Variants in TCF7 observed in about 807,000 individuals in gnomAD.
TCF7 encodes the protein transcription factor 7.
TCF7 carries 19 observed loss-of-function variants against 46.8 expected under a neutral mutation model. The observed-to-expected ratio is 0.41, with a 90% CI of 0.28 to 0.60. The LOEUF is 0.60. Among genes scored for constraint, TCF7 ranks in the 20% least tolerant of loss-of-function variants. TCF7 has a pLI of 0.35. For missense variants in TCF7, 547 were observed against 504.6 expected (o/e 1.08, Z -0.81); for synonymous variants, 245 against 213.4 (o/e 1.15, Z -1.29).
intron 3 of TCF7, among the ~76,000 whole-genome samples, chr5:134,135,147 A>T (rs1391770251): frequency 2.6e-5 from 4 of 152,082 alleles, no homozygotes; most frequent in African/African-American, 9.7e-5. Context: ...TTTAGTAGAG[A>T]CAAGGTCTCG....
chr5:134,132,533 G>A (rs1758277907), intron 3 of TCF7, among the ~76,000 whole-genome samples: 1 of 152,224 alleles, frequency 6.6e-6, no homozygotes, highest in African/African-American at 2.4e-5. Context: ...TGAGGCCAGA[G>A]GAAACAGCAA....
intron 9 of TCF7, chr5:134,144,800 C>T (rs540466256): frequency 6.2e-7 from 1 of 1,614,180 alleles, no homozygotes; most frequent in Non-Finnish European, 8.5e-7. Context: ...TGAGCAGACC[C>T]TGGCTCGCCT....
intron 9 of TCF7, chr5:134,145,905 G>C (rs1001022202): frequency 1.9e-5 from 29 of 1,542,604 alleles, no homozygotes; most frequent in African/African-American, 4.1e-5. Flanking sequence ...CACATCTGGA[G>C]AAGCTCAAAG....
At chr5:134,115,864 C>T (rs1338662783) in intron 2 of TCF7, 45 bp from the exon 3 acceptor site, 1 of 1,612,328 alleles carries the variant, frequency 6.2e-7, no homozygotes, top group African/African-American at 1.3e-5. Flanking sequence ...TCAGTCCCAG[C>T]CGCTGCCAGG....
At chr5:134,110,719 C>T (rs996284404), upstream of TCF7, among the ~76,000 whole-genome samples, 2 of 152,244 alleles carry the variant, frequency 1.3e-5, no homozygotes, top group African/African-American at 4.8e-5. Flanking sequence ...CCGCTCACAA[C>T]CTCTCCTTGC....
At chr5:134,144,642 G>A (rs1760404679) in intron 9 of TCF7, 1 of 622,388 alleles carries the variant, frequency 1.6e-6, no homozygotes. Flanking sequence ...CACTGGGGCT[G>A]GCTGTGCCAT....
chr5:134,137,872 G>T, intron 3 of TCF7, 187 bp from the exon 4 acceptor site: 1 of 451,560 alleles, frequency 2.2e-6, no homozygotes, highest in Non-Finnish European at 4.0e-6. Context: ...GGGACTGCTT[G>T]GGCAAAGTCT....
At chr5:134,145,480 G>GTGTGACAAGGTTTACCCAACAAGTGGT in intron 9 of TCF7, 1 of 565,276 alleles carries the variant, frequency 1.8e-6, no homozygotes, top group Non-Finnish European at 3.2e-6. Context: ...ATACTTGTGG[G>GTGTGACAAGGTTTACCCAACAAGTGGT]TGTGACAAGG....
intron 3 of TCF7, among the ~76,000 whole-genome samples, chr5:134,128,211 T>A (rs1757609772): frequency 6.6e-6 from 1 of 152,200 alleles, no homozygotes; most frequent in Non-Finnish European, 1.5e-5. Flanking sequence ...GGTATTTCAC[T>A]CTCTGCCCTG....
intron 3 of TCF7, among the ~76,000 whole-genome samples, chr5:134,118,702 C>T (rs1756172702): frequency 6.6e-6 from 1 of 152,136 alleles, no homozygotes; most frequent in South Asian, 2.1e-4. Context: ...TGAACACTGT[C>T]AGGCACCTGA....
chr5:134,136,018 A>T (rs775227101), intron 3 of TCF7, among the ~76,000 whole-genome samples: 1 of 152,188 alleles, frequency 6.6e-6, no homozygotes, highest in Non-Finnish European at 1.5e-5. Flanking sequence ...TGGGACTTTG[A>T]CAAGAGTCAT....
In TCF7 at chr5:134,115,395, T is replaced by G. The variant is rs755060270; in HGVS notation, c.316+8T>G. On this transcript the variant is annotated splice_region_variant and intron_variant, in intron 2 of 9. Transcript: ENST00000342854. ...CAGAGCCCCTGGAGGACGGTGAGTT[T>G]CTGCCCGGCCCGGCTTCCCTTCGTC... 1.0e-5 allele frequency: 16 copies of G among 1,596,956 alleles called. No homozygotes were observed. Among genetic ancestry groups the G allele is most frequent in the African/African-American group, 1.3e-5 (1 of 74,274 alleles).
intron 3 of TCF7, among the ~76,000 whole-genome samples, chr5:134,135,710 G>A (rs780898165): frequency 2.6e-5 from 4 of 152,260 alleles, no homozygotes; most frequent in African/African-American, 9.6e-5. Flanking sequence ...AAGTAGAGTT[G>A]AGTAAGCATT....
the TCF7 span, among the ~76,000 whole-genome samples, chr5:134,109,241 T>TA: frequency 2.0e-5 from 3 of 152,172 alleles, no homozygotes; most frequent in Non-Finnish European, 4.4e-5. Context: ...AGCCCTGTCT[T>TA]AAAAAGCGAT....
chr5:134,133,864 AC>A (rs1217821374), intron 3 of TCF7, among the ~76,000 whole-genome samples: 2 of 152,144 alleles, frequency 1.3e-5, no homozygotes, highest in African/African-American at 4.8e-5. Flanking sequence ...GCCAGGCAAC[AC>A]CCCGCAGCAC....
At chr5:134,121,276 T>C (rs1260309713) in intron 3 of TCF7, among the ~76,000 whole-genome samples, 2 of 151,614 alleles carry the variant, frequency 1.3e-5, no homozygotes, top group Admixed American at 1.3e-4. Context: ...CTTAAGCTGT[T>C]TTGTTTCAAA....
chr5:134,126,876 G>A lies in TCF7; in HGVS notation c.441+10843G>A, dbSNP rs536407673. ...TGCACCACTGCACTCCAGCCTGGGCGACAGAGCTAGACTCTATCTCAAAAA... is the reference window on the plus strand; with the variant it reads ...TGCACCACTGCACTCCAGCCTGGGCAACAGAGCTAGACTCTATCTCAAAAA... On this transcript the variant is annotated intron_variant, in intron 3 of 9. Transcript: ENST00000342854. 6.0e-5 allele frequency among the ~76,000 whole-genome samples: 9 copies of A among 150,196 alleles called. No individual in the cohort carries two copies. In the South Asian group the frequency reaches 1.5e-3, roughly 25 times the overall value.
intron 5 of TCF7, chr5:134,140,759 C>T (rs1392953419): frequency 2.2e-6 from 1 of 455,328 alleles, no homozygotes; most frequent in Non-Finnish European, 4.4e-6. Context: ...GTCTGGCCAG[C>T]AGCCAGACTG....
At chr5:134,120,311 TCA>T (rs1756391655) in intron 3 of TCF7, among the ~76,000 whole-genome samples, 4 of 152,056 alleles carry the variant, frequency 2.6e-5, no homozygotes, top group Admixed American at 2.6e-4. Flanking sequence ...CCATCCTAAA[TCA>T]CAGTCCAGGC....
Sources: gnomAD v4.1 joint callset for allele counts (sites outside exome capture counted in the v4.1 genomes callset) on GRCh38, gnomAD v4.1.1 for gene constraint, MANE v1.5 for transcripts, NCBI Gene and HGNC (gene_info 2026-07-23, HGNC 2026-07-21) for gene names.